CUBN: variants seen among roughly 807,000 people sequenced by gnomAD.
CUBN encodes the protein cubilin.
A neutral mutation model predicts 405.3 loss-of-function variants in CUBN; 282 were observed. That is an observed-to-expected ratio of 0.70 (90% CI 0.63 to 0.77). The LOEUF is 0.77. CUBN is among the 30% of genes least tolerant of loss of function. The probability of loss-of-function intolerance (pLI) is 0.00; values close to 1 mark genes in which losing one functional copy is unlikely to be tolerated. For synonymous variants in CUBN, 1,684 were observed against 1,617.0 expected (o/e 1.04, Z -0.99); for missense variants, 4,514 against 4,475.2 (o/e 1.01, Z -0.25).
In CUBN at chr10:16,963,187, C is replaced by CTTTTTTTTTTTTTTTTTTTTTTTTTTTT. The variant is rs1189695066; in HGVS notation, c.4696-8640_4696-8639insAAAAAAAAAAAAAAAAAAAAAAAAAAAA. Among the ~76,000 whole-genome samples the CTTTTTTTTTTTTTTTTTTTTTTTTTTTT allele has an allele frequency of 2.4e-5, 2 of 84,350 alleles. 1 individual carries two copies. The highest frequency in any genetic ancestry group is 9.7e-5 in the African/African-American group (2 of 20,644). The allele number at this position is 84,350 out of a possible 152,430, so 55.3% of individuals were successfully genotyped here. ...ATACATTTCTTTTTTCTTTTCTTTT[C>CTTTTTTTTTTTTTTTTTTTTTTTTTTTT]TTTTTTTTCTTTTTTTTTTTTTTTT... On this transcript the variant is annotated intron_variant, in intron 31 of 66. Coordinates refer to ENST00000377833, the MANE Select transcript of CUBN (RefSeq NM_001081.4).
intron 54 of CUBN, among the ~76,000 whole-genome samples, chr10:16,892,956 T>G (rs1002085527): frequency 5.3e-5 from 8 of 152,216 alleles, no homozygotes; most frequent in Non-Finnish European, 1.5e-5. Flanking sequence ...CCTTTTGGCC[T>G]GGGAACATAA....
At chr10:16,907,327 T>C (rs550091222) in intron 49 of CUBN, among the ~76,000 whole-genome samples, 181 bp downstream of exon 49, 151 of 152,306 alleles carry the variant, frequency 9.9e-4, no homozygotes, top group Middle Eastern at 6.8e-3. Flanking sequence ...CTTTCTGAAA[T>C]CAGAAAGCTT....
chr10:16,869,655 C>T lies in CUBN; in HGVS notation c.9435G>A (p.Met3145Ile), dbSNP rs375276752. Residue 3145 changes from methionine (M) to isoleucine (I), a missense_variant, in exon 59 of 67, where the codon ATG (methionine) becomes ATA (isoleucine). Met to Ile is a conservative substitution (Grantham distance 10). This residue lies in a region of CUBN where 1,186 missense variants were observed against 1,186.9 expected (regional missense o/e 1.00). Transcript: ENST00000377833. ...DSFQTAKGWK[M>I]SFRQTLGPQQ... Reference sequence around the variant, plus strand: ...TCTTACCCAATGTCTGCCGGAAAGACATCTTCCAGCCTTTTGCTGTCTGAA... The same window carrying T: ...TCTTACCCAATGTCTGCCGGAAAGATATCTTCCAGCCTTTTGCTGTCTGAA... The T allele has an allele frequency of 2.5e-5, 41 of 1,613,220 alleles. No homozygotes were observed. In the South Asian group the frequency reaches 3.3e-4, roughly 13 times the overall value.
intron 17 of CUBN, among the ~76,000 whole-genome samples, chr10:17,080,660 C>A (rs1835947485): frequency 6.6e-6 from 1 of 152,140 alleles, no homozygotes; most frequent in Admixed American, 6.6e-5. Context: ...CGTATCCTAC[C>A]TCAAGCCTTC....
chr10:16,982,927 G>A (rs140918881), intron 30 of CUBN, among the ~76,000 whole-genome samples: 132 of 152,074 alleles, frequency 8.7e-4, no homozygotes, highest in Admixed American at 1.3e-3. Context: ...ATGAAATCAC[G>A]TTTTCACAAA....
chr10:17,046,022 A>G lies in CUBN; in HGVS notation c.3402T>C (p.Ser1134=), dbSNP rs1217826176. 1 of 1,613,052 alleles carries G rather than the reference A, an allele frequency of 6.2e-7. No homozygotes were observed. The highest frequency in any genetic ancestry group is 1.3e-5 in the African/African-American group (1 of 74,898). ...ATTTTAACCATAGTTTGTTACTATG[A>G]GAGATGATTGTTGGGGGTAGATTTG... The part of the protein sequence containing the change: ...YGSNLPPTII[S]HSNKLWLKFK... Residue 1134 remains serine, a synonymous_variant, in exon 24 of 67, where the codon TCT becomes TCC. Coordinates refer to ENST00000377833, the MANE Select transcript of CUBN (RefSeq NM_001081.4).
chr10:16,948,589 C>T lies in CUBN; in HGVS notation c.5098G>A (p.Asp1700Asn), dbSNP rs116114483. The T allele has an allele frequency of 1.2e-3, 1,978 of 1,613,804 alleles. 27 individuals are homozygous for T. The African/African-American group carries it at 0.023, about 19-fold the overall frequency. The part of the protein sequence containing the change: ...APLRGRYCGT[D>N]MPHPITSFSS... The stretch of plus-strand genomic sequence containing the variant: ...AAGGATGTGATAGGATGGGGCATGT[C>T]GGTGCCACAGTAACGGCCTAAATAA... The change falls in exon 35 of 67, where the codon GAC becomes AAC. Residue 1700 changes from aspartate (D) to asparagine (N), a missense_variant. Asp to Asn is a conservative substitution (Grantham distance 23, BLOSUM62 1). Transcript: ENST00000377833.
At chr10:16,988,878 CA>C (rs1371878620) in intron 29 of CUBN, among the ~76,000 whole-genome samples, 1 of 152,060 alleles carries the variant, frequency 6.6e-6, no homozygotes, top group East Asian at 1.9e-4. Flanking sequence ...TAGTTTTGAC[CA>C]CTGTAAAATG....
At chr10:17,110,460 T>C (rs1038615178) in intron 9 of CUBN, among the ~76,000 whole-genome samples, 2 of 152,244 alleles carry the variant, frequency 1.3e-5, no homozygotes, top group Non-Finnish European at 2.9e-5. Context: ...GTTGTACTAA[T>C]GTGTCCTGAA....
intron 28 of CUBN, among the ~76,000 whole-genome samples, chr10:17,014,743 C>A (rs1834281602): frequency 1.3e-5 from 2 of 152,140 alleles, no homozygotes; most frequent in South Asian, 4.1e-4. Context: ...ATTGAAGGAC[C>A]AGAGTGCCTG....
intron 59 of CUBN, among the ~76,000 whole-genome samples, chr10:16,852,780 G>A (rs1214100794): frequency 6.6e-6 from 1 of 152,198 alleles, no homozygotes; most frequent in Non-Finnish European, 1.5e-5. Context: ...CATGAACACT[G>A]TCAGACTGAA....
At chr10:16,958,283 C>CTTCA in intron 31 of CUBN, among the ~76,000 whole-genome samples, 1 of 152,124 alleles carries the variant, frequency 6.6e-6, no homozygotes, top group African/African-American at 2.4e-5. Flanking sequence ...TGAAGTAATA[C>CTTCA]TTCACAAGGA....
rs574450538 is a variant in CUBN at position 17,022,995 on chromosome 10, A to G, written c.4018-3012T>C. The stretch of plus-strand genomic sequence containing the variant: ...ATACTAGGTCGCAGCATGTTGCGGA[A>G]TTATATTTCAATCCTGCACAAGGTC... On this transcript the variant is annotated intron_variant, in intron 27 of 66. Transcript: ENST00000377833. Among the ~76,000 whole-genome samples the G allele has an allele frequency of 5.3e-5, 8 of 152,332 alleles. No homozygotes were observed. The East Asian group carries it at 1.2e-3, about 22-fold the overall frequency.
At chr10:17,065,448 C>T in intron 22 of CUBN, 60 bp downstream of exon 22, 3 of 1,602,388 alleles carry the variant, frequency 1.9e-6, no homozygotes, top group African/African-American at 1.3e-5. Context: ...TGTGTTTTAG[C>T]TATTAGCACT....
In CUBN at chr10:17,084,325, G is replaced by A; in HGVS notation, c.2247C>T (p.Asn749=). Residue 749 remains asparagine (N), a synonymous_variant, in exon 17 of 67, where the codon AAC becomes AAT. Coordinates refer to ENST00000377833, the MANE Select transcript of CUBN (RefSeq NM_001081.4). ...KQPQGEQIQI[N]FTHVELQCQS... ...GGCATTGCAGCTCCACGTGGGTGAA[G>A]TTGATTTGTATTTGTTCTCCCTGGG... 1 of 1,614,144 alleles carries A rather than the reference G, an allele frequency of 6.2e-7. No individual in the cohort carries two copies. The highest frequency in any genetic ancestry group is 1.7e-4 in the Middle Eastern group (1 of 6,040).
intron 28 of CUBN, among the ~76,000 whole-genome samples, chr10:17,016,774 C>G (rs554760861): frequency 1.5e-4 from 23 of 152,080 alleles, no homozygotes; most frequent in African/African-American, 5.5e-4. Flanking sequence ...TAATAGGGAG[C>G]GGAGCTATAG....
At chr10:16,981,459 G>A (rs1027975975) in intron 31 of CUBN, among the ~76,000 whole-genome samples, 1 of 152,118 alleles carries the variant, frequency 6.6e-6, no homozygotes, top group Non-Finnish European at 1.5e-5. Context: ...AGGTCAGGGT[G>A]TAAAAGGCTG....
chr10:16,908,249 A>T (rs1167492131), intron 48 of CUBN, among the ~76,000 whole-genome samples: 2 of 152,006 alleles, frequency 1.3e-5, no homozygotes, highest in Non-Finnish European at 2.9e-5. Flanking sequence ...AGGTTCAAGC[A>T]GTTCTCCTGC....
intron 17 of CUBN, 89 bp from the exon 18 acceptor site, chr10:17,072,060 G>T: frequency 2.0e-6 from 2 of 982,758 alleles, no homozygotes; most frequent in Non-Finnish European, 3.1e-6. Context: ...AAAAATGGCA[G>T]ATTCAAAATG....
Sources: allele counts gnomAD v4.1 joint callset (sites outside exome capture counted in the v4.1 genomes callset), GRCh38; gene constraint gnomAD v4.1.1; regional missense constraint gnomAD v4.1.1; transcripts MANE v1.5; gene names NCBI Gene and HGNC (gene_info 2026-07-23, HGNC 2026-07-21).